Variants in MAF observed in about 807,000 individuals in gnomAD.
The protein encoded by MAF is MAF bZIP transcription factor.
In MAF, 10 loss-of-function variants were observed where a neutral mutation model predicts 22.0. The observed-to-expected ratio is 0.45, with a 90% CI of 0.28 to 0.77. The LOEUF (loss-of-function observed/expected upper bound fraction) is 0.77. MAF is among the 30% of genes least tolerant of loss of function. MAF has a pLI of 0.12. For missense variants in MAF, 544 were observed against 548.4 expected, an observed-to-expected ratio of 0.99 and a Z score of 0.08; for synonymous variants, 337 against 255.8, an observed-to-expected ratio of 1.32 and a Z score of -3.03.
the MAF span, among the ~76,000 whole-genome samples, chr16:79,350,411 T>TTCTATA: frequency 6.6e-6 from 1 of 152,192 alleles, no homozygotes; most frequent in Non-Finnish European, 1.5e-5. Flanking sequence ...ACAAACGAAA[T>TTCTATA]TCTATAGCAG....
chr16:79,365,046 A>G, the MAF span, among the ~76,000 whole-genome samples: 1 of 152,296 alleles, frequency 6.6e-6, no homozygotes, highest in South Asian at 2.1e-4. Context: ...CCCTAGTTAG[A>G]ACTTAGTTGA....
At chr16:79,389,149 T>C in the MAF span, among the ~76,000 whole-genome samples, 3 of 152,184 alleles carry the variant, frequency 2.0e-5, no homozygotes, top group African/African-American at 7.2e-5. Context: ...TTGCCAAACT[T>C]TTATTTTCAA....
the MAF span, among the ~76,000 whole-genome samples, chr16:79,317,227 CCCTCCCTCCTTTCTCT>C: frequency 6.8e-6 from 1 of 147,350 alleles, no homozygotes; most frequent in African/African-American, 2.5e-5. Flanking sequence ...TTCCATCTCT[CCCTCCCTCCTTTCTCT>C]CCTTCCTTCC....
chr16:79,356,471 C>G, the MAF span, among the ~76,000 whole-genome samples: 1 of 152,128 alleles, frequency 6.6e-6, no homozygotes, highest in South Asian at 2.1e-4. Flanking sequence ...ATGCTTGAGG[C>G]TTTCTCCCTG....
At chr16:79,406,663 T>A in the MAF span, among the ~76,000 whole-genome samples, 1 of 152,102 alleles carries the variant, frequency 6.6e-6, no homozygotes, top group Non-Finnish European at 1.5e-5. Flanking sequence ...AACATATGGA[T>A]TTGTGGGGAG....
chr16:79,425,844 CAT>C, the MAF span, among the ~76,000 whole-genome samples: 1 of 152,298 alleles, frequency 6.6e-6, no homozygotes, highest in East Asian at 1.9e-4. Flanking sequence ...ATTCTCACCT[CAT>C]ATGTGGTAGA....
the MAF span, among the ~76,000 whole-genome samples, chr16:79,290,774 C>T: frequency 2.4e-3 from 370 of 152,034 alleles, no homozygotes; most frequent in African/African-American, 8.1e-3. Context: ...ACTCCCAGGG[C>T]GAATTTGGTG....
the MAF span, among the ~76,000 whole-genome samples, chr16:79,567,213 G>A: frequency 6.6e-6 from 1 of 152,156 alleles, no homozygotes; most frequent in Non-Finnish European, 1.5e-5. Context: ...AGCTACTTGG[G>A]AGGCTGAGGC....
At chr16:79,525,156 G>C in the MAF span, among the ~76,000 whole-genome samples, 3 of 152,060 alleles carry the variant, frequency 2.0e-5, no homozygotes, top group Non-Finnish European at 4.4e-5. Flanking sequence ...CAAAGCCCCG[G>C]ATTTCATCGC....
At chr16:79,212,379 C>T in the MAF span, 2 of 503,110 alleles carry the variant, frequency 4.0e-6, no homozygotes, top group East Asian at 3.2e-5. Context: ...ATACGCAGAA[C>T]TACCAGGTGG....
chr16:79,470,506 G>A, the MAF span, among the ~76,000 whole-genome samples: 16 of 152,322 alleles, frequency 1.1e-4, no homozygotes, highest in African/African-American at 3.8e-4. Flanking sequence ...TTCCTGGAGG[G>A]CAGGTCCATA....
chr16:79,403,669 C>A, the MAF span, among the ~76,000 whole-genome samples: 1 of 152,148 alleles, frequency 6.6e-6, no homozygotes, highest in Non-Finnish European at 1.5e-5. Flanking sequence ...AAGGCTCACA[C>A]CATGGTGAGA....
chr16:79,299,656 C>A, the MAF span, among the ~76,000 whole-genome samples: 1 of 152,234 alleles, frequency 6.6e-6, no homozygotes, highest in East Asian at 1.9e-4. Context: ...CTGAGACCAG[C>A]GTCCTGCACA....
chr16:79,261,964 A>T, the MAF span, among the ~76,000 whole-genome samples: 1 of 152,140 alleles, frequency 6.6e-6, no homozygotes, highest in Non-Finnish European at 1.5e-5. Flanking sequence ...TGGACTTTTC[A>T]CGAGTTATTC....
chr16:79,378,686 G>C, the MAF span, among the ~76,000 whole-genome samples: 1 of 152,108 alleles, frequency 6.6e-6, no homozygotes, highest in Non-Finnish European at 1.5e-5. Flanking sequence ...GTATTTTTAT[G>C]TTTTTGAAAT....
chr16:79,373,108 T>C, the MAF span, among the ~76,000 whole-genome samples: 1 of 152,288 alleles, frequency 6.6e-6, no homozygotes, highest in African/African-American at 2.4e-5. Context: ...TAGCCCTTCT[T>C]ATAAACTCTG....
chr16:79,348,916 C>T, the MAF span, among the ~76,000 whole-genome samples: 23 of 152,296 alleles, frequency 1.5e-4, no homozygotes, highest in African/African-American at 3.8e-4. Context: ...AGCTGGTTGA[C>T]CTCAAGGCCC....
chr16:79,316,950 G>A, the MAF span, among the ~76,000 whole-genome samples: 8 of 152,310 alleles, frequency 5.3e-5, no homozygotes, highest in East Asian at 5.8e-4. Context: ...TTCACCTAGC[G>A]AAGGTTCATT....
intron 1 of MAF, chr16:79,597,732 G>T: frequency 9.8e-7 from 1 of 1,018,540 alleles, no homozygotes; most frequent in Non-Finnish European, 1.2e-6. Flanking sequence ...GTCTTCGAAC[G>T]TCCATTTCCA....
Sources: allele counts gnomAD v4.1 joint callset (sites outside exome capture counted in the v4.1 genomes callset), GRCh38; gene constraint gnomAD v4.1.1; transcripts MANE v1.5; gene names NCBI Gene and HGNC (gene_info 2026-07-23, HGNC 2026-07-21).